The following COLEC11 variants were observed in gnomAD, a reference collection of about 807,000 sequenced individuals.
COLEC11 encodes collectin-11.
COLEC11 carries 20 observed loss-of-function variants against 27.3 expected under a neutral mutation model. That is an observed-to-expected ratio of 0.73 (90% CI 0.51 to 1.06). COLEC11 has a LOEUF of 1.06. Ranked by LOEUF, COLEC11 falls within the 50% of genes least tolerant of loss-of-function variation. COLEC11 has a pLI of 0.00. For synonymous variants in COLEC11, 163 were observed against 154.7 expected (o/e 1.05, Z -0.40); for missense variants, 310 against 383.0 (o/e 0.81, Z 1.59).
intron 3 of COLEC11, among the ~76,000 whole-genome samples, chr2:3,619,402 G>A (rs1664018521): frequency 6.6e-6 from 1 of 152,100 alleles, no homozygotes; most frequent in Non-Finnish European, 1.5e-5. Context: ...TGTTAGCTGT[G>A]GACTTCTCAT....
chr2:3,629,007 C>A (rs1300052261), intron 3 of COLEC11, among the ~76,000 whole-genome samples: 1 of 152,168 alleles, frequency 6.6e-6, no homozygotes, highest in Non-Finnish European at 1.5e-5. Context: ...TCGCACGCAG[C>A]CAGCGGGAGG....
intron 3 of COLEC11, among the ~76,000 whole-genome samples, chr2:3,623,225 G>A (rs746708179): frequency 9.9e-5 from 15 of 152,106 alleles, no homozygotes; most frequent in East Asian, 3.9e-4. Flanking sequence ...TTCTCTTCTC[G>A]TCTTTGATTT....
Position 3,602,789 on chromosome 2 carries a change from C to CA in COLEC11, c.-26-1524dup, listed in dbSNP as rs1212524948. ...CCGCACTGTCCGGCATGCACTGCCT[C>CA]AAGGCTTTCTCTGAGCCGCCCTCAC... is the stretch of plus-strand genomic sequence containing the variant. On this transcript the variant is annotated intron_variant, in intron 1 of 6. Coordinates refer to ENST00000349077, the MANE Select transcript of COLEC11 (RefSeq NM_024027.5). The surrounding 1 kb of genome is among the most constrained non-coding windows in gnomAD (Gnocchi z 6.2). 2.0e-5 allele frequency among the ~76,000 whole-genome samples: 3 copies of CA among 152,212 alleles called. No homozygotes were observed. The highest frequency in any genetic ancestry group is 1.3e-4 in the Admixed American group (2 of 15,274).
Position 3,625,876 on chromosome 2 carries a change from G to T in COLEC11, c.203-11657G>T, listed in dbSNP as rs1272524164. Reference sequence around the variant, plus strand: ...TTGAACTCCTGACCTCAAGAGATCCGCCTACCTTGGCCTCCCAAAGTGCCG... The same window carrying T: ...TTGAACTCCTGACCTCAAGAGATCCTCCTACCTTGGCCTCCCAAAGTGCCG... On this transcript the variant is annotated intron_variant, in intron 3 of 6. Coordinates refer to ENST00000349077, the MANE Select transcript of COLEC11 (RefSeq NM_024027.5). 5.3e-6 allele frequency: 4 copies of T among 757,050 alleles called. No homozygotes were observed. In the Admixed American group the frequency reaches 7.7e-5, roughly 15 times the overall value. 46.9% of individuals were successfully genotyped at this position (757,050 alleles called of 1,614,324 possible).
chr2:3,620,663 C>T (rs1245117921), intron 3 of COLEC11, among the ~76,000 whole-genome samples: 3 of 152,026 alleles, frequency 2.0e-5, no homozygotes, highest in South Asian at 2.1e-4. Flanking sequence ...TTTATTTTCC[C>T]TCCATGTAGG....
intron 4 of COLEC11, among the ~76,000 whole-genome samples, chr2:3,639,548 C>T (rs1250275696): frequency 6.6e-6 from 1 of 152,236 alleles, no homozygotes; most frequent in African/African-American, 2.4e-5. Context: ...AGTCTTTTCT[C>T]AGAGGCATTT....
intron 2 of COLEC11, among the ~76,000 whole-genome samples, chr2:3,607,282 T>C (rs968487027): frequency 2.0e-5 from 3 of 152,144 alleles, no homozygotes; most frequent in African/African-American, 7.2e-5. Context: ...TGTCTTTACA[T>C]TTAGAGAGAA....
intron 5 of COLEC11, chr2:3,641,381 A>G (rs1336248794): frequency 2.5e-5 from 33 of 1,300,914 alleles, no homozygotes; most frequent in Non-Finnish European, 3.2e-5. Flanking sequence ...CCAGGCACTC[A>G]GCCAACCTGA....
chr2:3,621,627 C>A (rs937704618), intron 3 of COLEC11, among the ~76,000 whole-genome samples: 2 of 152,148 alleles, frequency 1.3e-5, no homozygotes, highest in African/African-American at 4.8e-5. Flanking sequence ...TTCTTCCTCT[C>A]TTGCTGTTTT....
At chr2:3,634,857 C>T (rs1448822461) in intron 3 of COLEC11, among the ~76,000 whole-genome samples, 7 of 152,004 alleles carry the variant, frequency 4.6e-5, no homozygotes, top group Non-Finnish European at 1.0e-4. Context: ...GTGAGACCTC[C>T]TGGCTGTCCA....
chr2:3,617,759 T>C (rs1403376391), intron 3 of COLEC11: 2 of 1,116,804 alleles, frequency 1.8e-6, no homozygotes, highest in East Asian at 4.7e-5. Context: ...CACTGAGTTG[T>C]CGCTTTTGAT....
chr2:3,607,252 A>G (rs1662797026), intron 2 of COLEC11, among the ~76,000 whole-genome samples: 1 of 152,076 alleles, frequency 6.6e-6, no homozygotes. Context: ...TTATCTTTAC[A>G]TTTAGAGGGA....
intron 3 of COLEC11, among the ~76,000 whole-genome samples, chr2:3,626,322 C>T (rs1261130811): frequency 2.6e-5 from 4 of 152,176 alleles, no homozygotes; most frequent in Non-Finnish European, 4.4e-5. Context: ...GTCCTGGGCT[C>T]GCTGGGCCTG....
At chr2:3,623,809 C>T (rs115886304) in intron 3 of COLEC11, among the ~76,000 whole-genome samples, 4 of 151,990 alleles carry the variant, frequency 2.6e-5, no homozygotes, top group Non-Finnish European at 5.9e-5. Flanking sequence ...TTGTAGATCT[C>T]CATTTCTTTG....
intron 3 of COLEC11, among the ~76,000 whole-genome samples, chr2:3,634,658 C>T (rs1170405731): frequency 1.3e-5 from 2 of 152,018 alleles, no homozygotes; most frequent in African/African-American, 4.8e-5. Flanking sequence ...TGACTCAGAA[C>T]AGCAGGAACG....
intron 2 of COLEC11, among the ~76,000 whole-genome samples, chr2:3,607,678 A>G (rs538385800): frequency 6.6e-6 from 1 of 152,190 alleles, no homozygotes; most frequent in East Asian, 1.9e-4. Flanking sequence ...CGAACTCCTG[A>G]CCTCACGTAA....
chr2:3,603,388 G>A, intron 1 of COLEC11: 1 of 467,830 alleles, frequency 2.1e-6, no homozygotes, highest in Non-Finnish European at 3.9e-6. Flanking sequence ...GTGATCTCAG[G>A]TCACTGCAAC....
intron 2 of COLEC11, among the ~76,000 whole-genome samples, chr2:3,609,687 G>C (rs889708686): frequency 6.6e-6 from 1 of 152,046 alleles, no homozygotes; most frequent in Non-Finnish European, 1.5e-5. Context: ...CCGCTACCAC[G>C]CCTGGCTAAT....
chr2:3,619,078 T>G (rs1343187588), intron 3 of COLEC11, among the ~76,000 whole-genome samples: 2 of 152,190 alleles, frequency 1.3e-5, no homozygotes, highest in African/African-American at 2.4e-5. Flanking sequence ...TCTTTAGGGT[T>G]TTATTTATAT....
Sources: allele counts gnomAD v4.1 joint callset (sites outside exome capture counted in the v4.1 genomes callset), GRCh38; gene constraint gnomAD v4.1.1; non-coding constraint Gnocchi (gnomAD v3.1); transcripts MANE v1.5; gene names NCBI Gene and HGNC (gene_info 2026-07-23, HGNC 2026-07-21).